SYK: variants seen among roughly 807,000 people sequenced by gnomAD.
The protein encoded by SYK is tyrosine-protein kinase SYK.
In SYK, 16 loss-of-function variants were observed where a neutral mutation model predicts 77.8. The ratio of observed to expected loss-of-function variants is 0.21; its 90% CI spans 0.14 to 0.31. The LOEUF (loss-of-function observed/expected upper bound fraction) is 0.31. Among genes scored for constraint, SYK ranks in the 10% least tolerant of loss-of-function variants. The pLI is 1.00. For missense variants in SYK, 529 were observed against 814.4 expected, an observed-to-expected ratio of 0.65 and a Z score of 4.26; for synonymous variants, 312 against 308.7, an observed-to-expected ratio of 1.01 and a Z score of -0.11.
intron 1 of SYK, among the ~76,000 whole-genome samples, chr9:90,841,224 CGTGTGTATGTAGTTTGTGTGTGTG>C (rs1826308279): frequency 7.0e-6 from 1 of 143,386 alleles, no homozygotes; most frequent in Non-Finnish European, 1.5e-5. Flanking sequence ...TGTTGTGTGT[CGTGTGTATGTAGTTTGTGTGTGTG>C]GTGTGTTTGC....
intron 3 of SYK, 132 bp from the exon 4 acceptor site, chr9:90,862,074 C>A: frequency 8.3e-7 from 1 of 1,198,394 alleles, no homozygotes. Context: ...CAAACTCTGC[C>A]CTCCAGCTGC....
intron 1 of SYK, among the ~76,000 whole-genome samples, chr9:90,808,469 T>TC (rs1179379802): frequency 6.6e-6 from 1 of 151,794 alleles, no homozygotes; most frequent in East Asian, 1.9e-4. Context: ...TGGTTTTTTT[T>TC]TTTTTTTAGG....
intron 7 of SYK, among the ~76,000 whole-genome samples, chr9:90,868,948 A>G (rs978478686): frequency 2.0e-5 from 3 of 152,232 alleles, no homozygotes; most frequent in Non-Finnish European, 4.4e-5. Context: ...AATTGCTACT[A>G]TGGGAGGCAG....
chr9:90,805,209 G>C (rs1248835747), intron 1 of SYK, among the ~76,000 whole-genome samples: 4 of 152,246 alleles, frequency 2.6e-5, no homozygotes, highest in Admixed American at 2.0e-4. Context: ...GGACAGTTAA[G>C]AATGTTGATG....
chr9:90,895,409 C>G lies in SYK; in HGVS notation c.1836-119C>G. The G allele has an allele frequency of 9.8e-7, 1 of 1,016,444 alleles. No homozygotes were observed. Among genetic ancestry groups the G allele is most frequent in the East Asian group, 2.4e-5 (1 of 41,642 alleles). 63.0% of individuals were successfully genotyped at this position (1,016,444 alleles called of 1,614,324 possible). On this transcript the variant is annotated intron_variant, in intron 13 of 13. Coordinates refer to ENST00000375754, the MANE Select transcript of SYK (RefSeq NM_003177.7). The surrounding 1 kb of genome is among the most constrained non-coding windows in gnomAD (Gnocchi z 4.4). The stretch of plus-strand genomic sequence containing the variant: ...CAGGGACCACGCTGTGAGCTGCAGG[C>G]CCTAGAGTTAGCCACCAGGGAGCAG...
At chr9:90,883,866 C>A (rs1183502522) in intron 11 of SYK, among the ~76,000 whole-genome samples, 4 of 152,118 alleles carry the variant, frequency 2.6e-5, no homozygotes, top group African/African-American at 7.2e-5. Flanking sequence ...CAAGGGTCAG[C>A]CTTCTTAGAC....
At chr9:90,892,564 TCAGAGTCCTGCCCTGTGCAGG>T in intron 13 of SYK, among the ~76,000 whole-genome samples, 1 of 152,258 alleles carries the variant, frequency 6.6e-6, no homozygotes, top group East Asian at 1.9e-4. Context: ...AAACACAACA[TCAGAGTCCTGCCCTGTGCAGG>T]TCACTCAAGG....
intron 13 of SYK, among the ~76,000 whole-genome samples, chr9:90,893,229 G>A (rs1036028286): frequency 3.3e-5 from 5 of 152,092 alleles, no homozygotes; most frequent in Non-Finnish European, 2.9e-5. Context: ...AGGGCACAGG[G>A]GCCTGGAGGA....
chr9:90,880,535 C>CT (rs2118902984), intron 11 of SYK, among the ~76,000 whole-genome samples: 1 of 152,280 alleles, frequency 6.6e-6, no homozygotes, highest in South Asian at 2.1e-4. Flanking sequence ...AGAAAGAAGC[C>CT]TGTTGTAATG....
intron 3 of SYK, among the ~76,000 whole-genome samples, chr9:90,847,842 C>G (rs555053848): frequency 1.3e-5 from 2 of 152,378 alleles, no homozygotes; most frequent in Admixed American, 1.3e-4. Flanking sequence ...CTTTTCTTCT[C>G]TCTTCAGTGC....
intron 3 of SYK, among the ~76,000 whole-genome samples, chr9:90,848,365 C>T (rs570644811): frequency 4.6e-5 from 7 of 152,364 alleles, no homozygotes; most frequent in African/African-American, 1.7e-4. Flanking sequence ...TCCTGATTCA[C>T]TGTGGGAGTC....
chr9:90,839,346 G>A (rs1249859365), intron 1 of SYK, among the ~76,000 whole-genome samples: 1 of 152,182 alleles, frequency 6.6e-6, no homozygotes, highest in Non-Finnish European at 1.5e-5. Context: ...CACATGGCCA[G>A]AAAAGGGCCA....
intron 1 of SYK, among the ~76,000 whole-genome samples, chr9:90,838,227 A>G (rs990040642): frequency 2.0e-5 from 3 of 152,246 alleles, no homozygotes; most frequent in African/African-American, 7.2e-5. Context: ...TTGATGACTT[A>G]TTCTGCACTA....
At chr9:90,802,417 AAAC>A (rs1168260613) in intron 1 of SYK, among the ~76,000 whole-genome samples, 2 of 152,248 alleles carry the variant, frequency 1.3e-5, no homozygotes, top group South Asian at 2.1e-4. Flanking sequence ...AGTTGCATTC[AAAC>A]AACAACCCTT....
chr9:90,833,100 A>T (rs879317883), intron 1 of SYK, among the ~76,000 whole-genome samples: 19 of 152,232 alleles, frequency 1.2e-4, no homozygotes, highest in African/African-American at 4.3e-4. Context: ...TGAGCAATCC[A>T]AAAGCTGAGG....
At chr9:90,823,747 C>T (rs1006242377) in intron 1 of SYK, among the ~76,000 whole-genome samples, 24 of 152,040 alleles carry the variant, frequency 1.6e-4, no homozygotes, top group African/African-American at 5.8e-4. Flanking sequence ...GTAGCAAAAG[C>T]AGTGCTTATA....
chr9:90,842,131 TTTGTG>T, intron 1 of SYK, among the ~76,000 whole-genome samples: 1 of 151,164 alleles, frequency 6.6e-6, no homozygotes, highest in East Asian at 1.9e-4. Flanking sequence ...ATGTATGTAA[TTTGTG>T]TTGTGTGTGC....
At position 90,877,651 on chromosome 9, in the gene SYK, C is replaced by G; in HGVS notation, c.1262C>G (p.Ala421Gly). The change falls in exon 10 of 14, where the codon GCA becomes GGA. Residue 421 changes from alanine to glycine, a missense_variant. Physicochemically the swap from Ala to Gly is moderately conservative, Grantham distance 60. This residue lies in a region of SYK where 208 missense variants were observed against 381.3 expected (regional missense o/e 0.55). Transcript: ENST00000375754. ...PALKDELLAEANVMQQLDNPY... is the reference protein window; with the variant it reads ...PALKDELLAEGNVMQQLDNPY... ...CTTAAAGATGAGTTATTAGCAGAAG[C>G]AAATGTCATGCAGCAGCTGGACAAC... is the stretch of plus-strand genomic sequence containing the variant. 1 of 1,614,222 alleles carries G rather than the reference C, an allele frequency of 6.2e-7. No homozygotes were observed. The highest frequency in any genetic ancestry group is 8.5e-7 in the Non-Finnish European group (1 of 1,180,042).
At chr9:90,851,150 G>A (rs998024659) in intron 3 of SYK, among the ~76,000 whole-genome samples, 2 of 152,148 alleles carry the variant, frequency 1.3e-5, no homozygotes, top group African/African-American at 2.4e-5. Context: ...TGTTGTCTGG[G>A]GCTAAGCAGA....
Sources: allele counts gnomAD v4.1 joint callset (sites outside exome capture counted in the v4.1 genomes callset), GRCh38; gene constraint gnomAD v4.1.1; regional missense constraint gnomAD v4.1.1; non-coding constraint Gnocchi (gnomAD v3.1); transcripts MANE v1.5; gene names NCBI Gene and HGNC (gene_info 2026-07-23, HGNC 2026-07-21).